Variants in E2F2 observed in about 807,000 individuals in gnomAD.
E2F2 encodes E2F transcription factor 2.
Under a neutral mutation model 42.2 loss-of-function variants are expected in E2F2, and 22 were observed. That is an observed-to-expected ratio of 0.52 (90% confidence interval 0.37 to 0.74). The LOEUF (loss-of-function observed/expected upper bound fraction) is 0.74, where lower values mean the gene tolerates loss of function less well. Among genes scored for constraint, E2F2 ranks in the 30% least tolerant of loss-of-function variants. The pLI is 0.00. For synonymous variants in E2F2, 248 were observed against 251.6 expected (o/e 0.99, Z 0.13); for missense variants, 481 against 557.8 (o/e 0.86, Z 1.39).
At chr1:23,517,067 G>A (rs950571812) in intron 5 of E2F2, among the ~76,000 whole-genome samples, 1 of 152,194 alleles carries the variant, frequency 6.6e-6, no homozygotes, top group African/African-American at 2.4e-5. Flanking sequence ...GCAGAGAGAT[G>A]AAAAGCGTGA....
chr1:23,509,769 G>GCCCTGAGGGCAGCACCTAGTGTCCAATGT lies in E2F2; in HGVS notation c.*82_*110dup. On this transcript the variant is annotated 3_prime_UTR_variant, in exon 7 of 7. Transcript: ENST00000361729. ...GGCAGGAAAGGCGAGGAGACCCCAT[G>GCCCTGAGGGCAGCACCTAGTGTCCAATGT]CCCTGAGGGCAGCACCTAGTGTCCA... 7.0e-7 allele frequency: 1 copy of GCCCTGAGGGCAGCACCTAGTGTCCAATGT among 1,427,998 alleles called. No individual in the cohort carries two copies. Among genetic ancestry groups the GCCCTGAGGGCAGCACCTAGTGTCCAATGT allele is most frequent in the South Asian group, 1.6e-5 (1 of 63,576 alleles). 88.5% of individuals were successfully genotyped at this position (1,427,998 alleles called of 1,614,324 possible).
chr1:23,524,104 C>CAAAAAAA (rs371670414), intron 2 of E2F2, among the ~76,000 whole-genome samples: 5 of 133,206 alleles, frequency 3.8e-5, no homozygotes, highest in East Asian at 2.2e-4. Context: ...ACAACAACAA[C>CAAAAAAA]AAAAAAAAAC....
At chr1:23,519,188 GC>G in intron 4 of E2F2, 58 bp from the exon 5 acceptor site, 2 of 1,310,936 alleles carry the variant, frequency 1.5e-6, no homozygotes, top group South Asian at 1.2e-5. Flanking sequence ...CCCCAAACCT[GC>G]CAGGGAGCAC....
At chr1:23,513,164 T>C (rs1467641695) in intron 6 of E2F2, among the ~76,000 whole-genome samples, 7 of 151,012 alleles carry the variant, frequency 4.6e-5, no homozygotes, top group African/African-American at 1.7e-4. Context: ...TGTCATCTTC[T>C]ATAACCCATT....
chr1:23,516,279 G>T (rs1643014675), intron 6 of E2F2, 56 bp downstream of exon 6: 1 of 1,415,574 alleles, frequency 7.1e-7, no homozygotes, highest in African/African-American at 1.5e-5. Flanking sequence ...ATATAGAAGA[G>T]AAAACTAAGG....
chr1:23,512,816 C>CTA (rs894351443), intron 6 of E2F2, among the ~76,000 whole-genome samples: 2 of 143,358 alleles, frequency 1.4e-5, no homozygotes, highest in Non-Finnish European at 3.1e-5. Context: ...TTCACACAAG[C>CTA]TTTTTTTTTT....
Position 23,510,148 on chromosome 1 carries a change from A to C in E2F2, c.1046T>G (p.Val349Gly), listed in dbSNP as rs1339035619. ...CTGGGGGGTTGGCGCTGGTGCTGGC[A>C]CTGGAGACAAACAGACAAAGGTTAC... Reference protein sequence around the residue: ...PSIMEPTASSVPAPAPTPQQA... With the variant: ...PSIMEPTASSGPAPAPTPQQA... The change falls in exon 7 of 7, where the codon GTG (valine) becomes GGG (glycine). Residue 349 changes from valine to glycine, a missense_variant and splice_region_variant. By Grantham distance (109) the Val-to-Gly change is moderately radical. Transcript: ENST00000361729. The C allele has an allele frequency of 4.4e-6, 7 of 1,591,962 alleles. 1 individual carries two copies. In the South Asian group the frequency reaches 8.0e-5, roughly 18 times the overall value.
intron 1 of E2F2, among the ~76,000 whole-genome samples, chr1:23,525,429 C>T (rs3218147): frequency 4.3e-4 from 66 of 152,332 alleles, no homozygotes; most frequent in Middle Eastern, 3.4e-3. Context: ...ATGCTTGAAT[C>T]TCCAGCTCCT....
chr1:23,516,780 G>A (rs778034710), intron 5 of E2F2, among the ~76,000 whole-genome samples: 40 of 125,352 alleles, frequency 3.2e-4, no homozygotes, highest in Non-Finnish European at 5.0e-4. Context: ...CCCACTCTCA[G>A]GTCATCTAGT....
In E2F2 at chr1:23,522,042, C is replaced by A. The variant is rs764211496; in HGVS notation, c.373G>T (p.Gly125Trp). 2.5e-6 allele frequency: 4 copies of A among 1,614,010 alleles called. No homozygotes were observed. Among genetic ancestry groups the A allele is most frequent in the Admixed American group, 3.3e-5 (2 of 59,994 alleles). ...GAAGTGTCATACCGAGTCTTCTCCC[C>A]GGGGGATTTGGGGGCTGAAGAAGAA... Reference protein sequence around the residue: ...LPSPKTPKSPGEKTRYDTSLG... With the variant: ...LPSPKTPKSPWEKTRYDTSLG... Residue 125 changes from glycine (G) to tryptophan (W), a missense_variant, in exon 3 of 7, where the codon GGG becomes TGG. Physicochemically the swap from Gly to Trp is radical, Grantham distance 184 (BLOSUM62 -2). Transcript: ENST00000361729.
At position 23,516,452 on chromosome 1, in the gene E2F2, G is replaced by A; in HGVS notation, c.928C>T (p.Pro310Ser). ...AGAGGCTCCTCGGAAGGACTGTCCGGCTCCTGCACCTCCTCTGGGCACAGG... is the reference window on the plus strand; with the variant it reads ...AGAGGCTCCTCGGAAGGACTGTCCGACTCCTGCACCTCCTCTGGGCACAGG... ...VYLCPEEVQE[P>S]DSPSEEPLPS... Residue 310 changes from proline to serine, a missense_variant, in exon 6 of 7, where the codon CCG (proline) becomes TCG (serine). By Grantham distance (74) the Pro-to-Ser change is moderately conservative. Coordinates refer to ENST00000361729, the MANE Select transcript of E2F2 (RefSeq NM_004091.4). The A allele has an allele frequency of 6.2e-7, 1 of 1,609,888 alleles. No homozygotes were observed. Among genetic ancestry groups the A allele is most frequent in the Non-Finnish European group, 8.5e-7 (1 of 1,178,136 alleles).
intron 4 of E2F2, among the ~76,000 whole-genome samples, chr1:23,519,813 C>T (rs1032116732): frequency 6.6e-5 from 10 of 152,018 alleles, no homozygotes; most frequent in Non-Finnish European, 1.3e-4. Flanking sequence ...TGCGGTATCT[C>T]ACTCCTGTAA....
At position 23,530,769 on chromosome 1, in the gene E2F2, C is replaced by T. The variant is rs748605125; in HGVS notation, c.25G>A (p.Ala9Thr). ...TTCGGGGTCTGCCCAGCGGCCGAAG[C>T]CAAGGCCCGGGGCCCTTGCAGCATA... is the stretch of plus-strand genomic sequence containing the variant. MLQGPRAL[A>T]SAAGQTPKVV... The change falls in exon 1 of 7, where the codon GCT becomes ACT. Residue 9 changes from alanine to threonine, a missense_variant. Transcript: ENST00000361729. This position sits in a 1 kb window ranked among gnomAD's most constrained non-coding sequence, Gnocchi z 4.4. 1.3e-6 allele frequency: 2 copies of T among 1,565,166 alleles called. No individual in the cohort carries two copies. Among genetic ancestry groups the T allele is most frequent in the Non-Finnish European group, 1.7e-6 (2 of 1,153,542 alleles).
intron 1 of E2F2, among the ~76,000 whole-genome samples, chr1:23,527,786 G>A (rs562999797): frequency 5.1e-4 from 78 of 152,192 alleles, no homozygotes; most frequent in Admixed American, 9.8e-4. Flanking sequence ...GTAGAGTTGT[G>A]TGTTAAAATG....
At chr1:23,524,807 C>G (rs990562474) in intron 1 of E2F2, among the ~76,000 whole-genome samples, 1 of 152,206 alleles carries the variant, frequency 6.6e-6, no homozygotes, top group African/African-American at 2.4e-5. Flanking sequence ...GGCTCCTATA[C>G]CTGCTCCTCA....
intron 6 of E2F2, among the ~76,000 whole-genome samples, chr1:23,515,375 G>A (rs1005566937): frequency 6.6e-6 from 1 of 152,010 alleles, no homozygotes; most frequent in East Asian, 1.9e-4. Flanking sequence ...TAACCATACC[G>A]TCCACCTCCC....
At chr1:23,514,105 TAG>T (rs1189111128) in intron 6 of E2F2, among the ~76,000 whole-genome samples, 1 of 148,830 alleles carries the variant, frequency 6.7e-6, no homozygotes, top group Non-Finnish European at 1.5e-5. Flanking sequence ...GCCTGGGTGA[TAG>T]AGTGAGACTC....
At position 23,522,068 on chromosome 1, in the gene E2F2, A is replaced by G. The variant is rs773369127; in HGVS notation, c.359-12T>C. 11 of 1,613,204 alleles carry G rather than the reference A, an allele frequency of 6.8e-6. No individual in the cohort carries two copies. The highest frequency in any genetic ancestry group is 6.6e-5 in the South Asian group (6 of 91,066). ...GGGGGATTTGGGGGCTGAAGAAGAA[A>G]GGGACCCAGTCACAGCTCAGGGAGG... On this transcript the variant is annotated splice_polypyrimidine_tract_variant and intron_variant, in intron 2 of 6. Transcript: ENST00000361729.
At position 23,530,369 on chromosome 1, in the gene E2F2, T is replaced by G. The variant is rs1214900986; in HGVS notation, c.252+173A>C. Among the ~76,000 whole-genome samples the G allele has an allele frequency of 6.6e-6, 1 of 152,214 alleles. No individual in the cohort carries two copies. Among genetic ancestry groups the G allele is most frequent in the Non-Finnish European group, 1.5e-5 (1 of 68,038 alleles). The stretch of plus-strand genomic sequence containing the variant: ...GATTATTTCATCCAAAGTCTGAAAA[T>G]GAAGGGGTCTTCTACTCAGATATTG... On this transcript the variant is annotated intron_variant, in intron 1 of 6. Coordinates refer to ENST00000361729, the MANE Select transcript of E2F2 (RefSeq NM_004091.4). The surrounding 1 kb of genome is among the most constrained non-coding windows in gnomAD (Gnocchi z 4.4).
Sources: allele counts gnomAD v4.1 joint callset (sites outside exome capture counted in the v4.1 genomes callset), GRCh38; gene constraint gnomAD v4.1.1; non-coding constraint Gnocchi (gnomAD v3.1); transcripts MANE v1.5; gene names NCBI Gene and HGNC (gene_info 2026-07-23, HGNC 2026-07-21).